ABLIM2: variants seen among roughly 807,000 people sequenced by gnomAD.
ABLIM2 encodes the protein actin-binding LIM protein 2.
In ABLIM2, 53 loss-of-function variants were observed where a neutral mutation model predicts 97.7. That is an observed-to-expected ratio of 0.54 (90% CI 0.44 to 0.68). ABLIM2 has a LOEUF of 0.68. Among genes scored for constraint, ABLIM2 ranks in the 30% least tolerant of loss-of-function variants. The pLI is 0.00. For missense variants in ABLIM2, 835 were observed against 867.2 expected, an observed-to-expected ratio of 0.96 and a Z score of 0.47; for synonymous variants, 361 against 345.8, an observed-to-expected ratio of 1.04 and a Z score of -0.49.
chr4:7,971,505 T>C (rs188048461), intron 20 of ABLIM2, among the ~76,000 whole-genome samples: 1 of 152,274 alleles, frequency 6.6e-6, no homozygotes, highest in East Asian at 1.9e-4. Flanking sequence ...CTCAGGAGGC[T>C]CAGGCTCAGA....
intron 17 of ABLIM2, among the ~76,000 whole-genome samples, chr4:7,988,952 C>T (rs559501191): frequency 1.3e-5 from 2 of 151,938 alleles, no homozygotes; most frequent in African/African-American, 4.8e-5. Flanking sequence ...AAATATTTTC[C>T]AAACATGTGA....
rs533644735 is a variant in ABLIM2, at chr4:8,129,545, G to A, written c.11-22908C>T. On this transcript the variant is annotated intron_variant, in intron 1 of 20. Coordinates refer to ENST00000447017, the MANE Select transcript of ABLIM2 (RefSeq NM_001130083.2). Reference sequence around the variant, plus strand: ...GCTGTAAGACAGGTGTTTAAAGATGGTGTTTCTAAGATTCAGGGAGAAATC... The same window carrying A: ...GCTGTAAGACAGGTGTTTAAAGATGATGTTTCTAAGATTCAGGGAGAAATC... Among the ~76,000 whole-genome samples the A allele has an allele frequency of 8.1e-4, 123 of 152,358 alleles. 1 individual carries two copies. The highest frequency in any genetic ancestry group is 6.3e-3 in the Admixed American group (97 of 15,308).
At position 8,046,639 on chromosome 4, in the gene ABLIM2, G is replaced by T. The variant is rs922909576; in HGVS notation, c.823-1398C>A. 1.3e-5 allele frequency among the ~76,000 whole-genome samples: 2 copies of T among 152,162 alleles called. No homozygotes were observed. The highest frequency in any genetic ancestry group is 2.9e-5 in the Non-Finnish European group (2 of 68,018). ...CAATTCTGTCCTGCCCATTTCAGGG[G>T]CCCATCCATGCAGCGGTGCCTGCAG... On this transcript the variant is annotated intron_variant, in intron 8 of 20. Transcript: ENST00000447017. The surrounding 1 kb of genome is among the most constrained non-coding windows in gnomAD (Gnocchi z 4.4).
At chr4:8,101,460 C>T (rs1022753895) in intron 2 of ABLIM2, among the ~76,000 whole-genome samples, 15 of 152,222 alleles carry the variant, frequency 9.9e-5, no homozygotes, top group East Asian at 9.6e-4. Context: ...ACGCCTGGAA[C>T]GCCCAGGAAG....
chr4:7,993,072 G>T, intron 16 of ABLIM2, 145 bp from the exon 17 acceptor site: 1 of 805,474 alleles, frequency 1.2e-6, no homozygotes, highest in Non-Finnish European at 2.1e-6. Context: ...ACCTGCCTCA[G>T]TGGTGACCTT....
chr4:8,099,337 T>C (rs900042301), intron 2 of ABLIM2, among the ~76,000 whole-genome samples: 5 of 152,208 alleles, frequency 3.3e-5, no homozygotes, highest in African/African-American at 1.2e-4. Flanking sequence ...CTGGCATTTC[T>C]GTATTTCTCT....
rs1303400599 is a variant in ABLIM2 at position 8,072,591 on chromosome 4, C to T, written c.675+5037G>A. Among the ~76,000 whole-genome samples the T allele has an allele frequency of 1.3e-5, 2 of 152,268 alleles. No homozygotes were observed. The stretch of plus-strand genomic sequence containing the variant: ...ATGCTATTAAGCCAAAAATGCAAAC[C>T]TGCATCTGTGCACCAGGAGAAGACA... On this transcript the variant is annotated intron_variant, in intron 6 of 20. Coordinates refer to ENST00000447017, the MANE Select transcript of ABLIM2 (RefSeq NM_001130083.2). This position sits in a 1 kb window ranked among gnomAD's most constrained non-coding sequence, Gnocchi z 5.8.
intron 8 of ABLIM2, among the ~76,000 whole-genome samples, 155 bp from the exon 9 acceptor site, chr4:8,045,396 A>T (rs1791658931): frequency 6.6e-6 from 1 of 152,234 alleles, no homozygotes; most frequent in South Asian, 2.1e-4. Context: ...CACGCCTATA[A>T]TCCCAGCACT....
intron 7 of ABLIM2, among the ~76,000 whole-genome samples, chr4:8,060,751 C>T (rs4696744): frequency 0.25 from 38,142 of 152,062 alleles, 4,983 homozygotes; most frequent in South Asian, 0.33. Context: ...TTGCTGGTCT[C>T]GGGCTCGCTG....
At chr4:7,989,428 G>C in intron 17 of ABLIM2, 3 of 985,276 alleles carry the variant, frequency 3.0e-6, no homozygotes, top group Non-Finnish European at 3.6e-6. Flanking sequence ...CACCATACTT[G>C]TATTTAATCA....
Position 7,999,275 on chromosome 4 carries a change from C to A in ABLIM2, c.1619-6348G>T, listed in dbSNP as rs978587556. Among the ~76,000 whole-genome samples the A allele has an allele frequency of 3.0e-4, 45 of 152,168 alleles. No individual in the cohort carries two copies. The highest frequency in any genetic ancestry group is 1.1e-3 in the African/African-American group (44 of 41,518). Reference sequence around the variant, plus strand: ...GGTTTCTCCATGTTGGTCAGGCTATCTCGAACTCCCGACCTCAGGTGATCT... The same window carrying A: ...GGTTTCTCCATGTTGGTCAGGCTATATCGAACTCCCGACCTCAGGTGATCT... On this transcript the variant is annotated intron_variant, in intron 16 of 20. Coordinates refer to ENST00000447017, the MANE Select transcript of ABLIM2 (RefSeq NM_001130083.2). This position sits in a 1 kb window ranked among gnomAD's most constrained non-coding sequence, Gnocchi z 4.4.
intron 6 of ABLIM2, among the ~76,000 whole-genome samples, chr4:8,077,261 G>C (rs568098514): frequency 6.6e-6 from 1 of 152,262 alleles, no homozygotes; most frequent in South Asian, 2.1e-4. Context: ...CCTCCCGGGC[G>C]ACCCCGCTGT....
chr4:8,139,843 A>T (rs1336198829), intron 1 of ABLIM2, among the ~76,000 whole-genome samples: 1 of 152,192 alleles, frequency 6.6e-6, no homozygotes, highest in Non-Finnish European at 1.5e-5. Context: ...AAAGGCATGA[A>T]ATCAACCCAA....
In ABLIM2 at chr4:8,127,662, G is replaced by A. The variant is rs1848615503; in HGVS notation, c.11-21025C>T. The A allele has an allele frequency of 6.3e-6, 8 of 1,278,118 alleles. No individual in the cohort carries two copies. The highest frequency in any genetic ancestry group is 1.2e-5 in the South Asian group (1 of 80,422). The allele number at this position is 1,278,118 out of a possible 1,614,324, so 79.2% of individuals were successfully genotyped here. A position where few individuals can be genotyped will look rare whatever the true frequency, so the allele number is the denominator to read the frequency against. On this transcript the variant is annotated intron_variant, in intron 1 of 20. Transcript: ENST00000447017. This position sits in a 1 kb window ranked among gnomAD's most constrained non-coding sequence, Gnocchi z 7.3. ...ACCCACGGAGGATCGGGCAGGAGTG[G>A]ACCGGGGAAGAGCCTCTGTGGCCCA...
chr4:8,009,982 T>G (rs564477880), intron 14 of ABLIM2, among the ~76,000 whole-genome samples: 14 of 152,326 alleles, frequency 9.2e-5, no homozygotes, highest in African/African-American at 3.4e-4. Flanking sequence ...CCTGGCTAAC[T>G]GCTGCTGGCA....
In ABLIM2 at chr4:8,124,864, C is replaced by G. The variant is rs540311899; in HGVS notation, c.11-18227G>C. Among the ~76,000 whole-genome samples the G allele has an allele frequency of 6.6e-6, 1 of 152,174 alleles. No homozygotes were observed. The highest frequency in any genetic ancestry group is 2.4e-5 in the African/African-American group (1 of 41,438). On this transcript the variant is annotated intron_variant, in intron 1 of 20. Transcript: ENST00000447017. The surrounding 1 kb of genome is among the most constrained non-coding windows in gnomAD (Gnocchi z 6.1). ...TTTCCACACCGGGTTCTGATTTCTACGCATCCCCACAGCCTGCTCTGGGTG... is the reference window on the plus strand; with the variant it reads ...TTTCCACACCGGGTTCTGATTTCTAGGCATCCCCACAGCCTGCTCTGGGTG...
chr4:8,106,278 C>T (rs772897428), intron 2 of ABLIM2, among the ~76,000 whole-genome samples: 2 of 152,318 alleles, frequency 1.3e-5, no homozygotes, highest in South Asian at 4.1e-4. Flanking sequence ...GGACCCTCAT[C>T]CCCTGACCCT....
chr4:8,006,646 A>G (rs1057436246), intron 16 of ABLIM2, among the ~76,000 whole-genome samples: 4 of 152,192 alleles, frequency 2.6e-5, no homozygotes, highest in Non-Finnish European at 5.9e-5. Context: ...GAGCCAGGCC[A>G]ATGTTCCCTG....
At chr4:8,009,332 G>A (rs913055149) in intron 14 of ABLIM2, among the ~76,000 whole-genome samples, 2 of 152,220 alleles carry the variant, frequency 1.3e-5, no homozygotes, top group African/African-American at 2.4e-5. Flanking sequence ...CCTGATTTCA[G>A]TTCTAGCCAA....
Sources: gnomAD v4.1 joint callset for allele counts (sites outside exome capture counted in the v4.1 genomes callset) on GRCh38, gnomAD v4.1.1 for gene constraint, Gnocchi (gnomAD v3.1) non-coding constraint, MANE v1.5 for transcripts, NCBI Gene and HGNC (gene_info 2026-07-23, HGNC 2026-07-21) for gene names.